The following CACNA1E variants were observed in gnomAD, a reference collection of about 807,000 sequenced individuals.
CACNA1E encodes voltage-dependent R-type calcium channel subunit alpha-1E.
In CACNA1E, 40 loss-of-function variants were observed where a neutral mutation model predicts 259.2. That is an observed-to-expected ratio of 0.15 (90% CI 0.12 to 0.20). The LOEUF is 0.20. Among genes scored for constraint, CACNA1E ranks in the 10% least tolerant of loss-of-function variants. The probability of loss-of-function intolerance (pLI) is 1.00; values close to 1 mark genes in which losing one functional copy is unlikely to be tolerated. For missense variants in CACNA1E, 1,874 were observed against 3,040.1 expected (o/e 0.62, Z 9.02); for synonymous variants, 1,104 against 1,138.5 (o/e 0.97, Z 0.61).
At chr1:181,566,424 T>A (rs1223724238) in intron 3 of CACNA1E, among the ~76,000 whole-genome samples, 1 of 152,220 alleles carries the variant, frequency 6.6e-6, no homozygotes, top group African/African-American at 2.4e-5. Flanking sequence ...ATGACAGAGT[T>A]TTTCTCCATC....
At chr1:181,441,704 C>T (rs1038232797) in intron 2 of CACNA1E, among the ~76,000 whole-genome samples, 8 of 152,162 alleles carry the variant, frequency 5.3e-5, no homozygotes, top group Admixed American at 2.6e-4. Context: ...TATCAAGCGC[C>T]GCCTCTGCTT....
intron 6 of CACNA1E, among the ~76,000 whole-genome samples, chr1:181,649,559 C>T (rs1035726643): frequency 2.0e-5 from 3 of 152,156 alleles, no homozygotes; most frequent in Non-Finnish European, 4.4e-5. Context: ...CATGCATATG[C>T]TCATTGCAGC....
intron 6 of CACNA1E, among the ~76,000 whole-genome samples, chr1:181,590,408 A>AT (rs1055264112): frequency 1.7e-5 from 2 of 115,182 alleles, no homozygotes; most frequent in Non-Finnish European, 1.7e-5. Context: ...TTACAAAAAA[A>AT]AAAAAAAAAT....
chr1:181,557,852 C>T (rs1648900983), intron 3 of CACNA1E, among the ~76,000 whole-genome samples: 1 of 152,132 alleles, frequency 6.6e-6, no homozygotes, highest in African/African-American at 2.4e-5. Flanking sequence ...CAAAAGGGAT[C>T]CCACCCTCTG....
At chr1:181,669,842 T>TC (rs1219424394) in intron 7 of CACNA1E, among the ~76,000 whole-genome samples, 1 of 152,192 alleles carries the variant, frequency 6.6e-6, no homozygotes, top group African/African-American at 2.4e-5. Flanking sequence ...GTAGTAGGAC[T>TC]CCAAGAAGTG....
intron 6 of CACNA1E, among the ~76,000 whole-genome samples, chr1:181,646,484 G>T (rs978373036): frequency 4.6e-5 from 7 of 152,118 alleles, no homozygotes; most frequent in African/African-American, 1.7e-4. Context: ...CTTCTGAAAG[G>T]ACCATGGAAT....
chr1:181,512,248 CG>C (rs1325344679), intron 3 of CACNA1E, among the ~76,000 whole-genome samples: 1 of 152,196 alleles, frequency 6.6e-6, no homozygotes, highest in Non-Finnish European at 1.5e-5. Flanking sequence ...AATGGTGTGA[CG>C]GGCAGGCCTT....
Position 181,579,879 on chromosome 1 carries a change from C to T in CACNA1E, c.769+655C>T, listed in dbSNP as rs77976459. 3.7e-4 allele frequency among the ~76,000 whole-genome samples: 56 copies of T among 152,266 alleles called. No individual in the cohort carries two copies. In the East Asian group the frequency reaches 3.9e-3, roughly 10 times the overall value. ...TTCTCGCTCTCTGTTTTGACCCACA[C>T]GTGGTATGGAAGAACTGAGGGAGCT... On this transcript the variant is annotated intron_variant, in intron 5 of 47. Transcript: ENST00000367573.
intron 1 of CACNA1E, among the ~76,000 whole-genome samples, chr1:181,332,230 A>C (rs1365988464): frequency 6.6e-6 from 1 of 152,158 alleles, no homozygotes; most frequent in African/African-American, 2.4e-5. Context: ...GGGGAGTGGG[A>C]GAAGGGAGAG....
chr1:181,373,809 A>G (rs958831000), intron 1 of CACNA1E, among the ~76,000 whole-genome samples: 5 of 152,114 alleles, frequency 3.3e-5, no homozygotes, highest in South Asian at 4.1e-4. Flanking sequence ...ACAGGCATGG[A>G]CCACCGTGCC....
At chr1:181,543,462 G>A (rs1668749921) in intron 3 of CACNA1E, among the ~76,000 whole-genome samples, 1 of 152,198 alleles carries the variant, frequency 6.6e-6, no homozygotes, top group Admixed American at 6.5e-5. Flanking sequence ...TTGGAGGTAG[G>A]GTTTGGGGGA....
At chr1:181,615,668 A>G (rs79383623) in intron 6 of CACNA1E, among the ~76,000 whole-genome samples, 4,331 of 152,252 alleles carry the variant, frequency 0.028, 93 homozygotes, top group Non-Finnish European at 0.048. Context: ...TGGATTTTCT[A>G]TATATATAAT....
intron 7 of CACNA1E, among the ~76,000 whole-genome samples, chr1:181,664,578 T>C (rs72733169): frequency 0.091 from 13,815 of 152,182 alleles, 761 homozygotes; most frequent in Middle Eastern, 0.15. Flanking sequence ...GCAGCTGCTT[T>C]TGGGGGGAAA....
intron 2 of CACNA1E, among the ~76,000 whole-genome samples, chr1:181,457,790 T>C (rs1191922898): frequency 1.3e-5 from 2 of 152,172 alleles, no homozygotes; most frequent in Non-Finnish European, 2.9e-5. Context: ...ATAGGAAAAA[T>C]GTCTCAGCTC....
chr1:181,776,968 ATAC>A lies in CACNA1E; in HGVS notation c.5267+744_5267+746del, dbSNP rs1343363308. On this transcript the variant is annotated intron_variant, in intron 38 of 47. Coordinates refer to ENST00000367573, the MANE Select transcript of CACNA1E (RefSeq NM_001205293.3). This position sits in a 1 kb window ranked among gnomAD's most constrained non-coding sequence, Gnocchi z 4.4. ...TTACGTATTGTCTCTGGCTGCTTACATACTACAAGGAAGAGGTGAGTGATTGTG... is the reference window on the plus strand; with the variant it reads ...TTACGTATTGTCTCTGGCTGCTTACATACAAGGAAGAGGTGAGTGATTGTG... Among the ~76,000 whole-genome samples the A allele has an allele frequency of 1.3e-5, 2 of 152,244 alleles. No individual in the cohort carries two copies. The highest frequency in any genetic ancestry group is 4.8e-5 in the African/African-American group (2 of 41,470).
intron 2 of CACNA1E, among the ~76,000 whole-genome samples, chr1:181,458,024 C>A (rs575373080): frequency 6.6e-6 from 1 of 152,180 alleles, no homozygotes; most frequent in African/African-American, 2.4e-5. Flanking sequence ...TGTAAGCCAG[C>A]GCCCATAGCG....
intron 1 of CACNA1E, among the ~76,000 whole-genome samples, chr1:181,335,077 T>C (rs1344714376): frequency 6.6e-6 from 1 of 152,224 alleles, no homozygotes; most frequent in African/African-American, 2.4e-5. Flanking sequence ...GGTTTCTGTA[T>C]GGCTTGCCCC....
intron 3 of CACNA1E, among the ~76,000 whole-genome samples, chr1:181,558,320 C>T (rs1168912435): frequency 1.3e-5 from 2 of 152,178 alleles, no homozygotes; most frequent in African/African-American, 4.8e-5. Flanking sequence ...ATCAGTTCAC[C>T]CTTTCCTGCC....
intron 2 of CACNA1E, among the ~76,000 whole-genome samples, chr1:181,471,951 CTCATGT>C (rs1662537710): frequency 6.6e-6 from 1 of 152,108 alleles, no homozygotes; most frequent in Non-Finnish European, 1.5e-5. Context: ...TATCTGCACC[CTCATGT>C]TCATTGCAGC....
Sources: gnomAD v4.1 joint callset for allele counts (sites outside exome capture counted in the v4.1 genomes callset) on GRCh38, gnomAD v4.1.1 for gene constraint, Gnocchi (gnomAD v3.1) non-coding constraint, MANE v1.5 for transcripts, NCBI Gene and HGNC (gene_info 2026-07-23, HGNC 2026-07-21) for gene names.